The following ITGB5 variants were observed in gnomAD, a reference collection of about 807,000 sequenced individuals.
ITGB5 encodes the protein integrin beta-5.
A neutral mutation model predicts 84.8 loss-of-function variants in ITGB5; 38 were observed. The observed-to-expected ratio is 0.45, with a 90% CI of 0.35 to 0.59. ITGB5 has a LOEUF of 0.59. Among genes scored for constraint, ITGB5 ranks in the 20% least tolerant of loss-of-function variants. The probability of loss-of-function intolerance (pLI) is 0.01; values close to 1 mark genes in which losing one functional copy is unlikely to be tolerated. For synonymous variants in ITGB5, 393 were observed against 414.4 expected (o/e 0.95, Z 0.63); for missense variants, 905 against 1,034.5 (o/e 0.87, Z 1.72).
intron 4 of ITGB5, among the ~76,000 whole-genome samples, chr3:124,846,425 CAA>C (rs1190656208): frequency 1.3e-4 from 9 of 69,822 alleles, no homozygotes; most frequent in Admixed American, 1.7e-4. Context: ...GTTGCACAAG[CAA>C]AAAAAAAAAA....
At chr3:124,776,715 A>C (rs990869051) in intron 10 of ITGB5, among the ~76,000 whole-genome samples, 1 of 152,204 alleles carries the variant, frequency 6.6e-6, no homozygotes, top group African/African-American at 2.4e-5. Flanking sequence ...TAAAAAGTAA[A>C]AGGCATGCTC....
intron 7 of ITGB5, among the ~76,000 whole-genome samples, chr3:124,818,050 G>A (rs2064634112): frequency 6.6e-6 from 1 of 151,958 alleles, no homozygotes; most frequent in African/African-American, 2.4e-5. Context: ...GCTCCTGACA[G>A]TTTCTTGCCA....
At position 124,766,450 on chromosome 3, in the gene ITGB5, G is replaced by C. The variant is rs564903910; in HGVS notation, c.2018-105C>G. 664 of 1,385,216 alleles carry C rather than the reference G, an allele frequency of 4.8e-4. 4 individuals carry two copies. The African/African-American group carries it at 8.2e-3, about 17-fold the overall frequency. 85.8% of individuals were successfully genotyped at this position (1,385,216 alleles called of 1,614,324 possible). Reference sequence around the variant, plus strand: ...TGCCTTGAAAAAGGAAAGGGCATGGGGGGTGTGGGCAGAAAATCTTAAGGG... The same window carrying C: ...TGCCTTGAAAAAGGAAAGGGCATGGCGGGTGTGGGCAGAAAATCTTAAGGG... On this transcript the variant is annotated intron_variant, in intron 12 of 14. Coordinates refer to ENST00000296181, the MANE Select transcript of ITGB5 (RefSeq NM_002213.5).
At position 124,773,806 on chromosome 3, in the gene ITGB5, C is replaced by A. The variant is rs1177285808; in HGVS notation, c.1800G>T (p.Gln600His). The A allele has an allele frequency of 6.2e-7, 1 of 1,613,928 alleles. No individual in the cohort carries two copies. Among genetic ancestry groups the A allele is most frequent in the African/African-American group, 1.3e-5 (1 of 74,946 alleles). ...GACAGTGCCCACGCTCGCTGCAGAT[C>A]TGGCCATCTCTGCCCCGGCATGTGC... ...DISTCRGRDG[Q>H]ICSERGHCLC... The change falls in exon 11 of 15, where the codon CAG becomes CAT. Residue 600 changes from glutamine (Q) to histidine (H), a missense_variant. Physicochemically the swap from Gln to His is conservative, Grantham distance 24 (BLOSUM62 0). Transcript: ENST00000296181.
chr3:124,815,529 C>A (rs2064575487), intron 8 of ITGB5, among the ~76,000 whole-genome samples: 1 of 152,230 alleles, frequency 6.6e-6, no homozygotes, highest in African/African-American at 2.4e-5. Context: ...GGCCTCCCTG[C>A]CTGTGAGAGT....
chr3:124,828,216 C>T (rs1296316498), intron 5 of ITGB5, among the ~76,000 whole-genome samples: 4 of 152,190 alleles, frequency 2.6e-5, no homozygotes, highest in Admixed American at 6.5e-5. Context: ...TGAAAGCATA[C>T]GTCCATACAA....
intron 9 of ITGB5, among the ~76,000 whole-genome samples, chr3:124,803,834 G>A (rs1239031497): frequency 6.6e-6 from 1 of 152,220 alleles, no homozygotes; most frequent in African/African-American, 2.4e-5. Flanking sequence ...TAAAGGTGGT[G>A]AGGGAGCTGG....
intron 13 of ITGB5, 150 bp downstream of exon 13, chr3:124,766,076 A>AAAAT: frequency 1.3e-6 from 1 of 758,296 alleles, no homozygotes; most frequent in Non-Finnish European, 2.0e-6. Context: ...AAAAAAAAAA[A>AAAAT]GAAAAAGAAG....
intron 10 of ITGB5, among the ~76,000 whole-genome samples, chr3:124,775,549 T>C (rs577306304): frequency 1.8e-4 from 27 of 152,316 alleles, no homozygotes; most frequent in Admixed American, 3.3e-4. Context: ...GTGCTACAAT[T>C]GGTATTTTTT....
At chr3:124,842,979 G>A (rs2107596213) in intron 4 of ITGB5, among the ~76,000 whole-genome samples, 1 of 152,244 alleles carries the variant, frequency 6.6e-6, no homozygotes, top group Middle Eastern at 3.4e-3. Context: ...CCCCACTCCT[G>A]TGATAGTCGC....
At chr3:124,831,024 C>T (rs186878359) in intron 5 of ITGB5, among the ~76,000 whole-genome samples, 1 of 152,126 alleles carries the variant, frequency 6.6e-6, no homozygotes, top group African/African-American at 2.4e-5. Context: ...CAAGAAAATT[C>T]TTCCTTACAT....
chr3:124,818,167 C>T (rs2064636250), intron 7 of ITGB5, among the ~76,000 whole-genome samples: 2 of 152,056 alleles, frequency 1.3e-5, no homozygotes, highest in South Asian at 4.1e-4. Context: ...CAAGTATAGA[C>T]CCTTTCTTTA....
chr3:124,800,146 C>G (rs2107523564), intron 9 of ITGB5, among the ~76,000 whole-genome samples: 1 of 152,270 alleles, frequency 6.6e-6, no homozygotes, highest in African/African-American at 2.4e-5. Context: ...CTACCTGTAG[C>G]TTGCTTCAAG....
At chr3:124,837,914 C>T (rs975120384) in intron 5 of ITGB5, among the ~76,000 whole-genome samples, 3 of 152,206 alleles carry the variant, frequency 2.0e-5, no homozygotes, top group Non-Finnish European at 2.9e-5. Context: ...GCCCCTATGA[C>T]GCACAGAGCC....
intron 5 of ITGB5, among the ~76,000 whole-genome samples, chr3:124,840,249 C>A (rs2064992149): frequency 6.6e-6 from 1 of 152,170 alleles, no homozygotes; most frequent in South Asian, 2.1e-4. Context: ...AGCCTCTGAC[C>A]CTGCCCTCAC....
chr3:124,887,497 CG>C, upstream of ITGB5: 1 of 185,320 alleles, frequency 5.4e-6, no homozygotes, highest in South Asian at 7.0e-5. Flanking sequence ...TACGGTGAGG[CG>C]GGGCGGGGCG....
intron 2 of ITGB5, among the ~76,000 whole-genome samples, chr3:124,872,116 T>C (rs1934085842): frequency 6.6e-6 from 1 of 152,070 alleles, no homozygotes; most frequent in East Asian, 1.9e-4. Context: ...ATAACAAAGA[T>C]GGTACAATTA....
chr3:124,778,711 C>T (rs2063959758), intron 10 of ITGB5, among the ~76,000 whole-genome samples: 1 of 152,060 alleles, frequency 6.6e-6, no homozygotes, highest in Admixed American at 6.6e-5. Flanking sequence ...GAGCATTCTT[C>T]AGATTAAAGA....
intron 10 of ITGB5, among the ~76,000 whole-genome samples, chr3:124,786,494 G>C (rs1454505734): frequency 2.0e-5 from 3 of 152,124 alleles, no homozygotes; most frequent in Admixed American, 2.0e-4. Context: ...TACCAACCTG[G>C]GTTGCATATT....
Sources: gnomAD v4.1 joint callset for allele counts (sites outside exome capture counted in the v4.1 genomes callset) on GRCh38, gnomAD v4.1.1 for gene constraint, MANE v1.5 for transcripts, NCBI Gene and HGNC (gene_info 2026-07-23, HGNC 2026-07-21) for gene names.